TVP23C: variants seen among roughly 807,000 people sequenced by gnomAD.
TVP23C encodes the protein trans-golgi network vesicle protein 23 homolog C, also known as Golgi apparatus membrane protein TVP23 homolog C.
A neutral mutation model predicts 28.7 loss-of-function variants in TVP23C; 19 were observed. The observed-to-expected ratio is 0.66, with a 90% CI of 0.46 to 0.97. The LOEUF (loss-of-function observed/expected upper bound fraction) is 0.97. TVP23C is among the 50% of genes least tolerant of loss of function. TVP23C has a pLI of 0.00. For missense variants in TVP23C, 186 were observed against 241.3 expected (o/e 0.77, Z 1.52); for synonymous variants, 68 against 81.7 (o/e 0.83, Z 0.90).
At chr17:15,548,711 T>C (rs1164867582) in intron 3 of TVP23C, among the ~76,000 whole-genome samples, 1 of 152,210 alleles carries the variant, frequency 6.6e-6, no homozygotes, top group African/African-American at 2.4e-5. Context: ...ATTCATAAAG[T>C]ATAGTAGTCC....
Position 15,539,909 on chromosome 17 carries a change from T to C in TVP23C, c.*503A>G, listed in dbSNP as rs182427684. ...GAGATGGAGACCATCCTGGCTAACA[T>C]GATGAAATCCCATCTCTACTGAAAA... On this transcript the variant is annotated 3_prime_UTR_variant, in exon 6 of 6. Coordinates refer to ENST00000518321, the MANE Select transcript of TVP23C (RefSeq NM_001135036.2). 3.0e-6 allele frequency: 2 copies of C among 673,470 alleles called. No homozygotes were observed. The highest frequency in any genetic ancestry group is 2.0e-5 in the African/African-American group (1 of 50,956). The allele number at this position is 673,470 out of a possible 1,614,324, so 41.7% of individuals were successfully genotyped here.
chr17:15,533,979 G>C (rs1983049080), downstream of TVP23C, among the ~76,000 whole-genome samples: 1 of 152,218 alleles, frequency 6.6e-6, no homozygotes, highest in Non-Finnish European at 1.5e-5. Flanking sequence ...TGCCTATGGA[G>C]TGTCTTAATT....
At position 15,540,132 on chromosome 17, in the gene TVP23C, G is replaced by A; in HGVS notation, c.*280C>T. 2 of 1,246,614 alleles carry A rather than the reference G, an allele frequency of 1.6e-6. No individual in the cohort carries two copies. The highest frequency in any genetic ancestry group is 2.0e-6 in the Non-Finnish European group (2 of 995,302). The allele number at this position is 1,246,614 out of a possible 1,614,324, so 77.2% of individuals were successfully genotyped here. A position where few individuals can be genotyped will look rare whatever the true frequency, so the allele number is the denominator to read the frequency against. ...AAAACATACAACATACATTCTGCAAGGGCATTCACTTAAAGCTCCCATAAT... is the reference window on the plus strand; with the variant it reads ...AAAACATACAACATACATTCTGCAAAGGCATTCACTTAAAGCTCCCATAAT... On this transcript the variant is annotated 3_prime_UTR_variant, in exon 6 of 6. Coordinates refer to ENST00000518321, the MANE Select transcript of TVP23C (RefSeq NM_001135036.2).
In TVP23C at chr17:15,540,429, T is replaced by C. The variant is rs568582394; in HGVS notation, c.595A>G (p.Ser199Gly). Residue 199 changes from serine (S) to glycine (G), a missense_variant, in exon 6 of 6, where the codon AGT (serine) becomes GGT (glycine). Coordinates refer to ENST00000518321, the MANE Select transcript of TVP23C (RefSeq NM_001135036.2). ...YFGKQFLRQV[S>G]VFWM The stretch of plus-strand genomic sequence containing the variant: ...GTCACTGATCACATCCAGAAAACAC[T>C]TACTTGTCTTAAAAACTGCTTTCCA... The C allele has an allele frequency of 7.4e-5, 119 of 1,598,900 alleles. No homozygotes were observed. In the African/African-American group the frequency reaches 1.6e-3, roughly 21 times the overall value.
At chr17:15,560,886 AAC>A (rs1348817585) in intron 1 of TVP23C, among the ~76,000 whole-genome samples, 2 of 150,334 alleles carry the variant, frequency 1.3e-5, no homozygotes, top group African/African-American at 4.8e-5. Flanking sequence ...GAGAAATTAA[AAC>A]ACGTTTATAT....
intron 5 of TVP23C, among the ~76,000 whole-genome samples, chr17:15,511,960 T>G (rs1332945217): frequency 6.6e-6 from 1 of 152,218 alleles, no homozygotes; most frequent in Non-Finnish European, 1.5e-5. Flanking sequence ...TTAGTGGGTA[T>G]TTAGAACAGC....
rs776588306 is a variant in TVP23C, at chr17:15,502,913, C to T, written c.782G>A (p.Gly261Glu). The T allele has an allele frequency of 1.1e-5, 18 of 1,608,406 alleles. 1 individual carries two copies. In the Admixed American group the frequency reaches 3.0e-4, roughly 27 times the overall value. ...AAATTTTGGCCCGGGCTCACCAGTT[C>T]CTCTGCTATTGGGACTCTCCCCACC... The change falls in exon 6 of 6, where the codon GGA (glycine) becomes GAA (glutamate). Residue 261 changes from glycine (G) to glutamate (E), a missense_variant. Gly to Glu is a moderately conservative substitution (Grantham distance 98). Coordinates refer to the TVP23C transcript ENST00000225576.
intron 1 of TVP23C, among the ~76,000 whole-genome samples, chr17:15,556,363 C>CTT (rs58106297): frequency 8.2e-6 from 1 of 122,036 alleles, no homozygotes; most frequent in African/African-American, 3.1e-5. Flanking sequence ...TTACCTTAGG[C>CTT]TTTTTTTTTT....
Position 15,540,097 on chromosome 17 carries a change from A to G in TVP23C, c.*315T>C. Reference sequence around the variant, plus strand: ...GACAGAGCAAAACTCTGTCTCAAAAAATAAAAATAAAAACATACAACATAC... The same window carrying G: ...GACAGAGCAAAACTCTGTCTCAAAAGATAAAAATAAAAACATACAACATAC... On this transcript the variant is annotated 3_prime_UTR_variant, in exon 6 of 6. Transcript: ENST00000518321. The G allele has an allele frequency of 8.5e-7, 1 of 1,182,798 alleles. No homozygotes were observed. The highest frequency in any genetic ancestry group is 1.0e-6 in the Non-Finnish European group (1 of 954,610). 73.3% of individuals were successfully genotyped at this position (1,182,798 alleles called of 1,614,324 possible).
At chr17:15,555,149 A>C (rs1468380343) in intron 2 of TVP23C, 133 bp downstream of exon 2, 24 of 1,243,480 alleles carry the variant, frequency 1.9e-5, no homozygotes, top group Non-Finnish European at 2.7e-5. Context: ...TCTTACACTA[A>C]ATGTTAAATT....
At chr17:15,541,907 C>T (rs564435342) in intron 5 of TVP23C, among the ~76,000 whole-genome samples, 6 of 152,254 alleles carry the variant, frequency 3.9e-5, no homozygotes, top group Non-Finnish European at 7.3e-5. Context: ...AATCACGGGT[C>T]CTGCTAAGGC....
chr17:15,524,257 A>T (rs1053740484), intron 5 of TVP23C, among the ~76,000 whole-genome samples: 1 of 152,110 alleles, frequency 6.6e-6, no homozygotes, highest in Non-Finnish European at 1.5e-5. Flanking sequence ...GACAAATTTT[A>T]AAATATTATA....
At chr17:15,553,913 C>A (rs539127569) in intron 2 of TVP23C, 84 bp from the exon 3 acceptor site, 5 of 1,588,838 alleles carry the variant, frequency 3.1e-6, no homozygotes, top group Non-Finnish European at 4.3e-6. Flanking sequence ...TTTTAGCCAT[C>A]GTGTAACTGT....
At chr17:15,508,379 G>A (rs1241283113) in intron 5 of TVP23C, among the ~76,000 whole-genome samples, 2 of 152,202 alleles carry the variant, frequency 1.3e-5, no homozygotes, top group South Asian at 4.1e-4. Context: ...AAGGAATAGA[G>A]AGAAATCATA....
chr17:15,505,500 G>A (rs1047706980), intron 5 of TVP23C, among the ~76,000 whole-genome samples: 5 of 152,142 alleles, frequency 3.3e-5, no homozygotes, highest in East Asian at 1.9e-4. Flanking sequence ...CACCGCCACC[G>A]GGAGCCCCAT....
At chr17:15,562,676 C>T (rs1259885378) in intron 1 of TVP23C, 3 of 152,260 alleles carry the variant, frequency 2.0e-5, no homozygotes, top group African/African-American at 7.2e-5. Context: ...TATTTCATCA[C>T]CCTGCCTTTG....
At chr17:15,550,057 ATTAGT>A (rs1983821909) in intron 3 of TVP23C, among the ~76,000 whole-genome samples, 1 of 151,982 alleles carries the variant, frequency 6.6e-6, no homozygotes, top group African/African-American at 2.4e-5. Context: ...TTTTATCTTT[ATTAGT>A]TTATTTTCCT....
In TVP23C at chr17:15,539,521, T is replaced by C. The variant is rs542578828; in HGVS notation, c.*891A>G. 1.5e-5 allele frequency: 9 copies of C among 609,788 alleles called. No individual in the cohort carries two copies. The East Asian group carries it at 1.1e-3, about 78-fold the overall frequency. 37.8% of individuals were successfully genotyped at this position (609,788 alleles called of 1,614,324 possible). A position where few individuals can be genotyped will look rare whatever the true frequency, so the allele number is the denominator to read the frequency against. ...GGGAGGCTGATGCAGGAGAATGGCG[T>C]GAACCCGGGAGGCGGAGCTTGCAGT... On this transcript the variant is annotated 3_prime_UTR_variant, in exon 6 of 6. Transcript: ENST00000518321.
At chr17:15,520,236 C>A (rs1254571302) in intron 5 of TVP23C, among the ~76,000 whole-genome samples, 1 of 151,332 alleles carries the variant, frequency 6.6e-6, no homozygotes, top group Non-Finnish European at 1.5e-5. Flanking sequence ...ACAAACAACC[C>A]CTGCTCAACA....
Sources: gnomAD v4.1 joint callset for allele counts (sites outside exome capture counted in the v4.1 genomes callset) on GRCh38, gnomAD v4.1.1 for gene constraint, MANE v1.5 for transcripts, NCBI Gene and HGNC (gene_info 2026-07-23, HGNC 2026-07-21) for gene names.